Variants in ZNF836 observed in about 807,000 individuals in gnomAD.
The protein encoded by ZNF836 is zinc finger protein 836.
A neutral mutation model predicts 7.4 loss-of-function variants in ZNF836; 12 were observed. The observed-to-expected ratio is 1.61, with a 90% CI of 1.03 to 2.61. The LOEUF is 2.61. Ranked by LOEUF, ZNF836 falls within the 30% of genes most tolerant of loss-of-function variation. The probability of loss-of-function intolerance (pLI) is 0.00; values close to 1 mark genes in which losing one functional copy is unlikely to be tolerated. For synonymous variants in ZNF836, 365 were observed against 382.6 expected, an observed-to-expected ratio of 0.95 and a Z score of 0.54; for missense variants, 998 against 1,126.2, an observed-to-expected ratio of 0.89 and a Z score of 1.63.
At chr19:52,165,772 C>T (rs1010762819) in intron 3 of ZNF836, among the ~76,000 whole-genome samples, 1 of 152,208 alleles carries the variant, frequency 6.6e-6, no homozygotes, top group Non-Finnish European at 1.5e-5. Context: ...AGATTTCTCA[C>T]TCATTTGAAC....
intron 3 of ZNF836, among the ~76,000 whole-genome samples, chr19:52,163,726 A>C (rs533168587): frequency 3.3e-5 from 5 of 152,318 alleles, no homozygotes; most frequent in Admixed American, 2.0e-4. Context: ...GCCACTGAGA[A>C]AAAAGAAGAT....
chr19:52,168,715 A>C (rs1238632809), intron 2 of ZNF836, among the ~76,000 whole-genome samples: 1 of 152,212 alleles, frequency 6.6e-6, no homozygotes, highest in Non-Finnish European at 1.5e-5. Context: ...GGACTTATTC[A>C]ACCATCAAAA....
chr19:52,161,050 C>T lies in ZNF836; in HGVS notation c.16-459G>A, dbSNP rs1159105304. ...CATGTGCTGGGCATTACTCCAAATG[C>T]TTTACATGTTCTAATTCAAATAATA... On this transcript the variant is annotated intron_variant, in intron 3 of 4. Coordinates refer to ENST00000682614, the MANE Select transcript of ZNF836 (RefSeq NM_001102657.3). The surrounding 1 kb of genome is among the most constrained non-coding windows in gnomAD (Gnocchi z 4.1). Among the ~76,000 whole-genome samples the T allele has an allele frequency of 6.6e-6, 1 of 152,188 alleles. No homozygotes were observed. Among genetic ancestry groups the T allele is most frequent in the African/African-American group, 2.4e-5 (1 of 41,446 alleles).
intron 3 of ZNF836, among the ~76,000 whole-genome samples, chr19:52,167,802 A>C (rs1283939302): frequency 1.3e-5 from 2 of 152,168 alleles, no homozygotes; most frequent in African/African-American, 4.8e-5. Flanking sequence ...TGTGGGGCCC[A>C]TACCCCGTCT....
chr19:52,155,339 C>T lies in ZNF836; in HGVS notation c.2344G>A (p.Glu782Lys). The change falls in exon 5 of 5, where the codon GAA (glutamate) becomes AAA (lysine). Residue 782 changes from glutamate (E) to lysine (K), a missense_variant. By Grantham distance (56) the Glu-to-Lys change is moderately conservative. Transcript: ENST00000682614. Reference sequence around the variant, plus strand: ...TGATGACGAAAGACCTTGCCACATTCATTACATTTGTAAGGTTTCTCTCCA... The same window carrying T: ...TGATGACGAAAGACCTTGCCACATTTATTACATTTGTAAGGTTTCTCTCCA... ...HTGEKPYKCN[E>K]CGKVFRHQST... The T allele has an allele frequency of 1.9e-6, 3 of 1,614,154 alleles. No homozygotes were observed. The highest frequency in any genetic ancestry group is 2.5e-6 in the Non-Finnish European group (3 of 1,180,022).
At position 52,154,966 on chromosome 19, in the gene ZNF836, G is replaced by C. The variant is rs772029588; in HGVS notation, c.2717C>G (p.Thr906Ser). The change falls in exon 5 of 5, where the codon ACT (threonine) becomes AGT (serine). Residue 906 changes from threonine (T) to serine (S), a missense_variant. Transcript: ENST00000682614. Reference protein sequence around the residue: ...GKSFISRSGLTKHQTKHTAES... With the variant: ...GKSFISRSGLSKHQTKHTAES... Reference sequence around the variant, plus strand: ...TGCAGTATGTTTTGTCTGATGTTTAGTGAGGCCTGAGCGACTAATGAAAGA... The same window carrying C: ...TGCAGTATGTTTTGTCTGATGTTTACTGAGGCCTGAGCGACTAATGAAAGA... 2 of 1,602,018 alleles carry C rather than the reference G, an allele frequency of 1.2e-6. No individual in the cohort carries two copies. Among genetic ancestry groups the C allele is most frequent in the South Asian group, 2.2e-5 (2 of 89,352 alleles).
intron 4 of ZNF836, 163 bp downstream of exon 4, chr19:52,160,302 T>A: frequency 1.3e-6 from 1 of 765,786 alleles, no homozygotes; most frequent in Non-Finnish European, 2.1e-6. Context: ...TGTGATGATA[T>A]GGGAAATGAA....
chr19:52,157,505 G>A lies in ZNF836; in HGVS notation c.178C>T (p.Pro60Ser), dbSNP rs1354149113. ...LPKCMTKELP[P>S]IGNSNTGEKC... ...TCTCCTGTATTACTGTTCCCTATTGGTGGTAATTCCTTGGTCATACATTTA... is the reference window on the plus strand; with the variant it reads ...TCTCCTGTATTACTGTTCCCTATTGATGGTAATTCCTTGGTCATACATTTA... Residue 60 changes from proline (P) to serine (S), a missense_variant, in exon 5 of 5, where the codon CCA becomes TCA. Pro to Ser is a moderately conservative substitution (Grantham distance 74). Coordinates refer to ENST00000682614, the MANE Select transcript of ZNF836 (RefSeq NM_001102657.3). The A allele has an allele frequency of 3.2e-6, 5 of 1,549,254 alleles. No individual in the cohort carries two copies. The highest frequency in any genetic ancestry group is 2.2e-5 in the Admixed American group (1 of 44,982).
In ZNF836 at chr19:52,168,111, C is replaced by A; in HGVS notation, c.-39G>T. The A allele has an allele frequency of 6.2e-7, 1 of 1,607,442 alleles. No individual in the cohort carries two copies. Among genetic ancestry groups the A allele is most frequent in the African/African-American group, 1.3e-5 (1 of 74,654 alleles). ...TCTTTCCTCTTCTTCCTCTTCTGGG[C>A]TTCTCTCTCAGTCAATATAATTAAT... On this transcript the variant is annotated 5_prime_UTR_variant, in exon 3 of 5. Coordinates refer to ENST00000682614, the MANE Select transcript of ZNF836 (RefSeq NM_001102657.3).
rs775814866 is a variant in ZNF836, at chr19:52,157,287, T to C, written c.396A>G (p.Val132=). ...GCTGATTTTCAATACATTTGTTTTC[T>C]ACATCCTCTTGACTATGTTGACCTC... is the stretch of plus-strand genomic sequence containing the variant. The part of the protein sequence containing the change: ...GKRGQHSQED[V]ENKCIENQLT... Residue 132 remains valine, a synonymous_variant, in exon 5 of 5, where the codon GTA becomes GTG. Transcript: ENST00000682614. 6.2e-7 allele frequency: 1 copy of C among 1,605,898 alleles called. No individual in the cohort carries two copies. The highest frequency in any genetic ancestry group is 1.1e-5 in the South Asian group (1 of 90,070).
Position 52,156,110 on chromosome 19 carries a change from G to T in ZNF836, c.1573C>A (p.Arg525Ser). 6.2e-7 allele frequency: 1 copy of T among 1,614,024 alleles called. No homozygotes were observed. Residue 525 changes from arginine to serine, a missense_variant, in exon 5 of 5, where the codon CGT becomes AGT. Transcript: ENST00000682614. ...TTTCCACATTCACCGCATTGGTAAC[G>T]TTTCTCTCTGGTATGAATTATCTTA... ...RHKIIHTREK[R>S]YQCGECGKVF...
At chr19:52,162,827 C>T (rs1175739851) in intron 3 of ZNF836, among the ~76,000 whole-genome samples, 2 of 152,182 alleles carry the variant, frequency 1.3e-5, no homozygotes, top group African/African-American at 4.8e-5. Context: ...GCGGCAGGCG[C>T]AGTCGTGAGT....
chr19:52,163,497 G>A (rs1000143487), intron 3 of ZNF836, among the ~76,000 whole-genome samples: 3 of 152,154 alleles, frequency 2.0e-5, no homozygotes, highest in African/African-American at 7.2e-5. Flanking sequence ...TCCACAGCCC[G>A]GGTGCGGTGG....
intron 4 of ZNF836, chr19:52,160,206 A>T (rs1246553257): frequency 4.3e-6 from 2 of 465,390 alleles, no homozygotes; most frequent in Non-Finnish European, 3.7e-6. Context: ...AAAAAAAAAA[A>T]GTACCATTAT....
chr19:52,162,445 T>C (rs369072653), intron 3 of ZNF836, among the ~76,000 whole-genome samples: 1 of 152,256 alleles, frequency 6.6e-6, no homozygotes, highest in East Asian at 1.9e-4. Context: ...CTCTGCACAC[T>C]TTTAGTTAGC....
chr19:52,163,060 T>G (rs898215127), intron 3 of ZNF836, among the ~76,000 whole-genome samples: 11 of 152,112 alleles, frequency 7.2e-5, no homozygotes, highest in African/African-American at 2.7e-4. Context: ...GTATCAGAGT[T>G]CCGAGGTCCG....
chr19:52,162,826 G>A (rs954596716), intron 3 of ZNF836, among the ~76,000 whole-genome samples: 2 of 152,196 alleles, frequency 1.3e-5, no homozygotes, highest in Non-Finnish European at 2.9e-5. Flanking sequence ...GGCGGCAGGC[G>A]CAGTCGTGAG....
intron 4 of ZNF836, 32 bp downstream of exon 4, chr19:52,160,433 G>A (rs1384669335): frequency 1.2e-6 from 2 of 1,613,978 alleles, no homozygotes; most frequent in Admixed American, 1.7e-5. Context: ...CACGAGGGCA[G>A]ATCTTAACTT....
Position 52,168,176 on chromosome 19 carries a change from T to A in ZNF836, c.-80-24A>T, listed in dbSNP as rs367945086. 24 of 1,483,388 alleles carry A rather than the reference T, an allele frequency of 1.6e-5. 1 individual carries two copies. The South Asian group carries it at 2.2e-4, about 14-fold the overall frequency. The allele number at this position is 1,483,388 out of a possible 1,614,324, so 91.9% of individuals were successfully genotyped here. ...ATCTGAAAGTGAAAAATCTGTTGTT[T>A]AATGCTTGGAAACAACACATTCCTT... On this transcript the variant is annotated intron_variant, in intron 2 of 4. Coordinates refer to ENST00000682614, the MANE Select transcript of ZNF836 (RefSeq NM_001102657.3).
Sources: gnomAD v4.1 joint callset for allele counts (sites outside exome capture counted in the v4.1 genomes callset) on GRCh38, gnomAD v4.1.1 for gene constraint, Gnocchi (gnomAD v3.1) non-coding constraint, MANE v1.5 for transcripts, NCBI Gene and HGNC (gene_info 2026-07-23, HGNC 2026-07-21) for gene names.